Variants in TAOK1 observed in about 807,000 individuals in gnomAD.
TAOK1 encodes TAO kinase 1.
Under a neutral mutation model 138.3 loss-of-function variants are expected in TAOK1, and 21 were observed. The ratio of observed to expected loss-of-function variants is 0.15; its 90% CI spans 0.11 to 0.22. TAOK1 has a LOEUF of 0.22. Among genes scored for constraint, TAOK1 ranks in the 10% least tolerant of loss-of-function variants. The pLI is 1.00. For missense variants in TAOK1, 651 were observed against 1,227.7 expected (o/e 0.53, Z 7.02); for synonymous variants, 361 against 398.4 (o/e 0.91, Z 1.12).
At chr17:29,518,514 T>C (rs1205230978) in intron 16 of TAOK1, among the ~76,000 whole-genome samples, 1 of 152,092 alleles carries the variant, frequency 6.6e-6, no homozygotes. Flanking sequence ...TAAATACATA[T>C]GGTCTTCTTT....
chr17:29,396,214 C>A (rs1324671190), intron 1 of TAOK1, among the ~76,000 whole-genome samples: 4 of 152,092 alleles, frequency 2.6e-5, no homozygotes, highest in African/African-American at 9.7e-5. Flanking sequence ...TTTCTGTCAT[C>A]ATATGGTAAC....
intron 1 of TAOK1, among the ~76,000 whole-genome samples, chr17:29,394,150 G>GTTT (rs58117433): frequency 0.032 from 1,553 of 48,354 alleles, 328 homozygotes; most frequent in Non-Finnish European, 0.043. Context: ...TAATTTGCCA[G>GTTT]TTTTTTTTTT....
In TAOK1 at chr17:29,402,993, CA is replaced by C. The variant is rs1179657750; in HGVS notation, c.-95+11982del. Among the ~76,000 whole-genome samples, 1,040 of 126,512 alleles carry C rather than the reference CA, an allele frequency of 8.2e-3. 11 individuals are homozygous for C. The highest frequency in any genetic ancestry group is 0.026 in the African/African-American group (904 of 34,962). 83.0% of individuals were successfully genotyped at this position (126,512 alleles called of 152,430 possible). On this transcript the variant is annotated intron_variant, in intron 1 of 19. Transcript: ENST00000261716. Reference sequence around the variant, plus strand: ...ATCAAGACAGAGCAAAACTTAGTCTCAAAAAAAAAAAAACAAAATTAGCCGT... The same window carrying C: ...ATCAAGACAGAGCAAAACTTAGTCTCAAAAAAAAAAAACAAAATTAGCCGT...
At chr17:29,422,506 C>G (rs1905484589) in intron 1 of TAOK1, among the ~76,000 whole-genome samples, 1 of 152,204 alleles carries the variant, frequency 6.6e-6, no homozygotes, top group Non-Finnish European at 1.5e-5. Context: ...GCGTGAGCCA[C>G]TGCTCCCGGC....
At chr17:29,532,962 ACGGGGCGGG>A in intron 18 of TAOK1, among the ~76,000 whole-genome samples, 4 of 112,490 alleles carry the variant, frequency 3.6e-5, no homozygotes, top group Non-Finnish European at 5.4e-5. Context: ...TCCCTCCCGG[ACGGGGCGGG>A]TGGCCGGGCA....
At chr17:29,490,347 A>G (rs1364108474) in intron 9 of TAOK1, among the ~76,000 whole-genome samples, 1 of 152,152 alleles carries the variant, frequency 6.6e-6, no homozygotes, top group Non-Finnish European at 1.5e-5. Context: ...ACAATTTTAG[A>G]AAACTAGGAT....
At chr17:29,482,702 C>T (rs962350203) in intron 8 of TAOK1, among the ~76,000 whole-genome samples, 4 of 151,486 alleles carry the variant, frequency 2.6e-5, no homozygotes, top group East Asian at 3.9e-4. Flanking sequence ...GTCATACCTA[C>T]ATACCATTTT....
chr17:29,480,871 C>CAAAAAA (rs398070899), intron 7 of TAOK1, among the ~76,000 whole-genome samples: 10 of 96,840 alleles, frequency 1.0e-4, no homozygotes, highest in Non-Finnish European at 3.9e-5. Flanking sequence ...CCCTGTCTCT[C>CAAAAAA]AAAAAAAAAA....
At position 29,548,803 on chromosome 17, in the gene TAOK1, T is replaced by G. The variant is rs1275859664; in HGVS notation, c.*5781T>G. 5.3e-5 allele frequency: 8 copies of G among 152,186 alleles called. No homozygotes were observed. The highest frequency in any genetic ancestry group is 8.8e-5 in the Non-Finnish European group (6 of 68,004). 9.4% of individuals were successfully genotyped at this position (152,186 alleles called of 1,614,324 possible). On this transcript the variant is annotated 3_prime_UTR_variant, in exon 20 of 20. Transcript: ENST00000261716. ...TCTGTGCCAGCTAGAGAGAAGTTGC[T>G]GTCATTACCAGTTGTGGTCCTAGCA...
rs542614176 is a variant in TAOK1 at position 29,525,462 on chromosome 17, A to C, written c.2148+2943A>C. On this transcript the variant is annotated intron_variant, in intron 17 of 19. Transcript: ENST00000261716. ...GCTCTTGTCGCCTAGGCTGGAGTGC[A>C]GTGGCATGATCTTCTCACTGCAACC... Among the ~76,000 whole-genome samples the C allele has an allele frequency of 2.7e-4, 35 of 127,616 alleles. No homozygotes were observed. In the East Asian group the frequency reaches 6.3e-3, roughly 23 times the overall value. 83.7% of individuals were successfully genotyped at this position (127,616 alleles called of 152,430 possible).
intron 19 of TAOK1, among the ~76,000 whole-genome samples, chr17:29,536,098 A>G (rs759727526): frequency 6.6e-6 from 1 of 150,508 alleles, no homozygotes; most frequent in African/African-American, 2.5e-5. Context: ...CAGGAGTTCA[A>G]GACCAGCCTG....
intron 16 of TAOK1, among the ~76,000 whole-genome samples, chr17:29,520,253 T>C (rs904495885): frequency 1.3e-5 from 2 of 151,534 alleles, no homozygotes; most frequent in African/African-American, 4.8e-5. Context: ...ATTGAAAGAA[T>C]TAAGGCGTCA....
chr17:29,496,721 G>A (rs2031422350), intron 11 of TAOK1, among the ~76,000 whole-genome samples: 1 of 151,174 alleles, frequency 6.6e-6, no homozygotes, highest in Admixed American at 6.6e-5. Flanking sequence ...CCGAATAGCT[G>A]GGACTACAGG....
chr17:29,432,145 TCAAA>T (rs1303138804), intron 1 of TAOK1, among the ~76,000 whole-genome samples: 2 of 152,206 alleles, frequency 1.3e-5, no homozygotes, highest in Non-Finnish European at 2.9e-5. Flanking sequence ...GCTGAGAGCC[TCAAA>T]CAGAGTTTTA....
intron 1 of TAOK1, among the ~76,000 whole-genome samples, chr17:29,411,626 C>T (rs1379723715): frequency 6.6e-6 from 1 of 150,956 alleles, no homozygotes; most frequent in Non-Finnish European, 1.5e-5. Flanking sequence ...CTCCTGACCT[C>T]AAGTAATCCA....
At chr17:29,438,679 CT>C (rs1280917453) in intron 1 of TAOK1, among the ~76,000 whole-genome samples, 1 of 152,100 alleles carries the variant, frequency 6.6e-6, no homozygotes, top group African/African-American at 2.4e-5. Context: ...GTGAGGAGAC[CT>C]TGTCTCAAAA....
chr17:29,534,261 A>G lies in TAOK1; in HGVS notation c.2505A>G (p.Glu835=), dbSNP rs139096533. Residue 835 remains glutamate, a synonymous_variant, in exon 19 of 20, where the codon GAA becomes GAG. Coordinates refer to ENST00000261716, the MANE Select transcript of TAOK1 (RefSeq NM_020791.4). The part of the protein sequence containing the change: ...AQHDRELREL[E]QRVSLRRALL... The stretch of plus-strand genomic sequence containing the variant: ...ATGATCGAGAGCTTCGCGAGCTTGA[A>G]CAGAGGGTCTCCCTCCGGAGGGCAC... 14 of 1,611,488 alleles carry G rather than the reference A, an allele frequency of 8.7e-6. No individual in the cohort carries two copies. In the African/African-American group the frequency reaches 1.6e-4, roughly 18 times the overall value.
chr17:29,516,597 G>T (rs2031820400), intron 15 of TAOK1, among the ~76,000 whole-genome samples: 1 of 151,266 alleles, frequency 6.6e-6, no homozygotes, highest in Non-Finnish European at 1.5e-5. Context: ...CCACCTCCTG[G>T]GTTCAAGCGA....
chr17:29,416,577 A>G (rs1235220162), intron 1 of TAOK1, among the ~76,000 whole-genome samples: 1 of 152,170 alleles, frequency 6.6e-6, no homozygotes, highest in African/African-American at 2.4e-5. Context: ...AAATAATACA[A>G]CAAATTAAAT....
Sources: allele counts gnomAD v4.1 joint callset (sites outside exome capture counted in the v4.1 genomes callset), GRCh38; gene constraint gnomAD v4.1.1; transcripts MANE v1.5; gene names NCBI Gene and HGNC (gene_info 2026-07-23, HGNC 2026-07-21).